The following SMIM13 variants were observed in gnomAD, a reference collection of about 807,000 sequenced individuals.
SMIM13 encodes small integral membrane protein 13, also known as UPF0766 protein C6orf228.
A neutral mutation model predicts 5.9 loss-of-function variants in SMIM13; 3 were observed. The observed-to-expected ratio is 0.51, with a 90% CI of 0.23 to 1.31. The LOEUF (loss-of-function observed/expected upper bound fraction) is 1.31, where lower values mean the gene tolerates loss of function less well. Among genes scored for constraint, SMIM13 ranks in the 40% most tolerant of loss-of-function variants. SMIM13 has a pLI of 0.18. For missense variants in SMIM13, 85 were observed against 109.9 expected (o/e 0.77, Z 1.01); for synonymous variants, 55 against 46.0 (o/e 1.19, Z -0.79).
chr6:11,100,692 A>C (rs937432734), intron 1 of SMIM13, among the ~76,000 whole-genome samples: 1 of 151,946 alleles, frequency 6.6e-6, no homozygotes, highest in East Asian at 1.9e-4. Flanking sequence ...GTCTCTATTT[A>C]TTTATATTTT....
At chr6:11,105,008 A>C in intron 1 of SMIM13, 1 of 1,614,244 alleles carries the variant, frequency 6.2e-7, no homozygotes, top group Non-Finnish European at 8.5e-7. Context: ...GGCGGATATC[A>C]GGGAAATCTT....
intron 1 of SMIM13, among the ~76,000 whole-genome samples, chr6:11,114,115 G>A (rs1758205643): frequency 6.6e-6 from 1 of 151,352 alleles, no homozygotes; most frequent in Non-Finnish European, 1.5e-5. Context: ...GAGTAGCTGG[G>A]ATTACAGGTG....
At chr6:11,112,817 TA>T (rs1269840898) in intron 1 of SMIM13, among the ~76,000 whole-genome samples, 1 of 152,088 alleles carries the variant, frequency 6.6e-6, no homozygotes, top group Middle Eastern at 3.2e-3. Context: ...TTTATTTATT[TA>T]TTTTTTTGAG....
intron 1 of SMIM13, among the ~76,000 whole-genome samples, chr6:11,125,144 G>GGT (rs1432173712): frequency 6.9e-6 from 1 of 145,788 alleles, no homozygotes; most frequent in Non-Finnish European, 1.5e-5. Context: ...TGGGCATGGT[G>GGT]GTGTGCGCCC....
intron 1 of SMIM13, among the ~76,000 whole-genome samples, chr6:11,098,351 G>A (rs1311028245): frequency 6.6e-6 from 1 of 152,180 alleles, no homozygotes; most frequent in Non-Finnish European, 1.5e-5. Context: ...TGTGGTGGTC[G>A]CTTCTTAGTC....
At chr6:11,115,512 A>G (rs2113655347) in intron 1 of SMIM13, among the ~76,000 whole-genome samples, 1 of 152,306 alleles carries the variant, frequency 6.6e-6, no homozygotes, top group East Asian at 1.9e-4. Flanking sequence ...GTTTTTACCT[A>G]ATTGAGTCAG....
chr6:11,099,862 G>C (rs1314097861), intron 1 of SMIM13, among the ~76,000 whole-genome samples: 2 of 152,024 alleles, frequency 1.3e-5, no homozygotes, highest in African/African-American at 4.8e-5. Context: ...TTCTCTGCTT[G>C]CCATTGATAA....
At chr6:11,103,093 T>A (rs1758019768) in intron 1 of SMIM13, 1 of 152,330 alleles carries the variant, frequency 6.6e-6, no homozygotes, top group Non-Finnish European at 1.5e-5. Flanking sequence ...GGGACGCATG[T>A]GCAGTGTTTT....
At chr6:11,106,412 T>C (rs920373135) in intron 1 of SMIM13, among the ~76,000 whole-genome samples, 1 of 152,250 alleles carries the variant, frequency 6.6e-6, no homozygotes, top group Non-Finnish European at 1.5e-5. Flanking sequence ...GTGCACAAAG[T>C]GCAGGCTTGA....
intron 1 of SMIM13, among the ~76,000 whole-genome samples, chr6:11,106,364 C>G (rs987341784): frequency 6.6e-6 from 1 of 152,238 alleles, no homozygotes; most frequent in Non-Finnish European, 1.5e-5. Context: ...ATTGGACTTA[C>G]TGATGGAGAG....
chr6:11,105,045 G>T (rs758079525), intron 1 of SMIM13: 52 of 1,614,062 alleles, frequency 3.2e-5, no homozygotes, highest in Non-Finnish European at 2.5e-6. Context: ...AAGACTATTT[G>T]CAGGCCTCAT....
chr6:11,118,935 A>T (rs1431594971), intron 1 of SMIM13, among the ~76,000 whole-genome samples: 3 of 152,228 alleles, frequency 2.0e-5, no homozygotes, highest in African/African-American at 7.2e-5. Context: ...CGAAGTCGGA[A>T]ATAAGTTACT....
intron 1 of SMIM13, among the ~76,000 whole-genome samples, chr6:11,119,227 C>T (rs537318472): frequency 4.6e-5 from 7 of 152,340 alleles, no homozygotes; most frequent in African/African-American, 1.4e-4. Context: ...AGACAGACAG[C>T]AGACACATGC....
intron 1 of SMIM13, chr6:11,105,302 C>G (rs367587221): frequency 1.6e-5 from 26 of 1,612,190 alleles, no homozygotes; most frequent in Non-Finnish European, 2.0e-5. Flanking sequence ...CCAGCAGGAG[C>G]AGGCCCATGG....
chr6:11,106,049 A>G (rs1758078583), intron 1 of SMIM13, among the ~76,000 whole-genome samples: 1 of 152,142 alleles, frequency 6.6e-6, no homozygotes, highest in South Asian at 2.1e-4. Flanking sequence ...ACTTTTCCTG[A>G]AGATTACAGT....
chr6:11,135,878 AAC>A lies in SMIM13; in HGVS notation c.*1278_*1279del, dbSNP rs1561762573. ...CTTAGTGATACATATGGTGCATCTT[AAC>A]AATTGGTAGTGTCTTAGGTTAAATT... On this transcript the variant is annotated 3_prime_UTR_variant, in exon 2 of 2. Coordinates refer to ENST00000416247, the MANE Select transcript of SMIM13 (RefSeq NM_001135575.2). The A allele has an allele frequency of 1.3e-5, 2 of 152,238 alleles. No individual in the cohort carries two copies. The highest frequency in any genetic ancestry group is 2.9e-5 in the Non-Finnish European group (2 of 68,040). 9.4% of individuals were successfully genotyped at this position (152,238 alleles called of 1,614,324 possible).
At chr6:11,105,560 A>T (rs1298486641) in intron 1 of SMIM13, 1 of 444,702 alleles carries the variant, frequency 2.2e-6, no homozygotes, top group East Asian at 4.2e-5. Context: ...CTGGCTCTGG[A>T]GTTTAAGGGC....
At chr6:11,104,392 G>A in intron 1 of SMIM13, 1 of 1,551,642 alleles carries the variant, frequency 6.4e-7, no homozygotes. Flanking sequence ...GGGAGGCATT[G>A]GTGAATCGAC....
intron 1 of SMIM13, among the ~76,000 whole-genome samples, chr6:11,099,973 A>G (rs1320765736): frequency 6.6e-6 from 1 of 152,082 alleles, no homozygotes; most frequent in Admixed American, 6.6e-5. Context: ...TCATTTTTAC[A>G]TGGTTCTTCA....
Sources: gnomAD v4.1 joint callset for allele counts (sites outside exome capture counted in the v4.1 genomes callset) on GRCh38, gnomAD v4.1.1 for gene constraint, MANE v1.5 for transcripts, NCBI Gene and HGNC (gene_info 2026-07-23, HGNC 2026-07-21) for gene names.